MECOM: variants seen among roughly 807,000 people sequenced by gnomAD.
MECOM encodes the protein histone-lysine N-methyltransferase MECOM.
A neutral mutation model predicts 116.3 loss-of-function variants in MECOM; 13 were observed. The ratio of observed to expected loss-of-function variants is 0.11; its 90% CI spans 0.07 to 0.18. MECOM has a LOEUF of 0.18. Among genes scored for constraint, MECOM ranks in the 10% least tolerant of loss-of-function variants. MECOM has a pLI of 1.00. For missense variants in MECOM, 1,299 were observed against 1,509.0 expected, an observed-to-expected ratio of 0.86 and a Z score of 2.31; for synonymous variants, 528 against 535.2, an observed-to-expected ratio of 0.99 and a Z score of 0.19.
chr3:169,385,071 T>C (rs1458734438), intron 1 of MECOM, among the ~76,000 whole-genome samples: 3 of 131,044 alleles, frequency 2.3e-5, no homozygotes, highest in African/African-American at 8.9e-5. Flanking sequence ...ACTATTGCAC[T>C]CCAGCCTGGG....
chr3:169,271,069 G>A (rs1244424064), intron 2 of MECOM, among the ~76,000 whole-genome samples: 5 of 152,170 alleles, frequency 3.3e-5, no homozygotes, highest in African/African-American at 7.2e-5. Context: ...AGACAAGTCC[G>A]ATTTCTCCGA....
chr3:169,622,000 T>TTAAA (rs1342349528), intron 1 of MECOM, among the ~76,000 whole-genome samples: 1 of 152,184 alleles, frequency 6.6e-6, no homozygotes, highest in African/African-American at 2.4e-5. Flanking sequence ...GCCATCAAGT[T>TTAAA]TAAAAGATGA....
intron 1 of MECOM, among the ~76,000 whole-genome samples, chr3:169,572,433 C>T (rs917856995): frequency 1.4e-4 from 22 of 152,146 alleles, no homozygotes; most frequent in East Asian, 9.6e-4. Context: ...CACAGTGTGG[C>T]GATTCCTCAA....
intron 2 of MECOM, among the ~76,000 whole-genome samples, chr3:169,180,438 CATA>C (rs1274484524): frequency 2.0e-5 from 3 of 152,102 alleles, no homozygotes; most frequent in Non-Finnish European, 4.4e-5. Context: ...AAGGTACTTA[CATA>C]ATGACTGGCC....
chr3:169,305,322 G>C (rs1022242303), intron 2 of MECOM, among the ~76,000 whole-genome samples: 1 of 152,130 alleles, frequency 6.6e-6, no homozygotes, highest in Admixed American at 6.5e-5. Context: ...GAAAAGGTAG[G>C]TGTAACAAGT....
At chr3:169,609,445 T>C (rs1330044518) in intron 1 of MECOM, among the ~76,000 whole-genome samples, 2 of 136,046 alleles carry the variant, frequency 1.5e-5, no homozygotes, top group Non-Finnish European at 3.1e-5. Context: ...TGCAGTGTTA[T>C]TTCAGTTAAT....
At chr3:169,603,458 G>C (rs939703255) in intron 1 of MECOM, among the ~76,000 whole-genome samples, 10 of 152,112 alleles carry the variant, frequency 6.6e-5, no homozygotes, top group African/African-American at 2.4e-4. Context: ...TATACATTTA[G>C]TGTAGTCTAA....
intron 1 of MECOM, among the ~76,000 whole-genome samples, chr3:169,659,614 A>G (rs927371476): frequency 2.0e-5 from 3 of 151,970 alleles, no homozygotes; most frequent in Admixed American, 2.0e-4. Context: ...TGGGAGAAGG[A>G]TTTTCCTCCT....
chr3:169,238,174 C>CAA (rs869078937), intron 2 of MECOM, among the ~76,000 whole-genome samples: 4,260 of 71,938 alleles, frequency 0.059, 97 homozygotes, highest in Middle Eastern at 0.075. Flanking sequence ...GACTCCATCT[C>CAA]AAAAAAAAAA....
At chr3:169,476,386 G>C (rs1387609114) in intron 1 of MECOM, among the ~76,000 whole-genome samples, 1 of 152,136 alleles carries the variant, frequency 6.6e-6, no homozygotes, top group Non-Finnish European at 1.5e-5. Context: ...ACATCACTCA[G>C]ATCTATGTTC....
chr3:169,533,246 G>A (rs550579111), intron 1 of MECOM, among the ~76,000 whole-genome samples: 67 of 152,162 alleles, frequency 4.4e-4, no homozygotes, highest in African/African-American at 1.5e-3. Context: ...TCAGACCCCG[G>A]AATCAACTTT....
intron 1 of MECOM, among the ~76,000 whole-genome samples, chr3:169,495,090 A>G (rs1052676456): frequency 6.6e-6 from 1 of 151,994 alleles, no homozygotes; most frequent in Admixed American, 6.6e-5. Flanking sequence ...TCACCTCTAA[A>G]CCTTCTCAAT....
intron 2 of MECOM, among the ~76,000 whole-genome samples, chr3:169,160,360 GTTTTTTAAAATAAACCTTGA>G (rs1006121401): frequency 1.3e-5 from 2 of 151,726 alleles, no homozygotes; most frequent in African/African-American, 4.8e-5. Context: ...AATGATATGT[GTTTTTTAAAATAAACCTTGA>G]ACAGAAATTA....
At chr3:169,197,308 C>T (rs1050178787) in intron 2 of MECOM, among the ~76,000 whole-genome samples, 1 of 146,970 alleles carries the variant, frequency 6.8e-6, no homozygotes, top group Non-Finnish European at 1.5e-5. Flanking sequence ...TACTCCTGAA[C>T]CTAAAAATTA....
chr3:169,225,746 A>C (rs1259593337), intron 2 of MECOM, among the ~76,000 whole-genome samples: 1 of 152,184 alleles, frequency 6.6e-6, no homozygotes, highest in African/African-American at 2.4e-5. Context: ...CGTAGCTGGG[A>C]CTACAGGCAT....
intron 1 of MECOM, among the ~76,000 whole-genome samples, chr3:169,494,549 C>G (rs1279609757): frequency 6.6e-6 from 1 of 152,212 alleles, no homozygotes; most frequent in African/African-American, 2.4e-5. Flanking sequence ...TATAAGCTAA[C>G]TAAAATGGCC....
At chr3:169,433,677 G>GAAAGAAAGAA (rs1742118919) in intron 1 of MECOM, among the ~76,000 whole-genome samples, 1 of 144,292 alleles carries the variant, frequency 6.9e-6, no homozygotes, top group Non-Finnish European at 1.5e-5. Context: ...AAGAAAGAAA[G>GAAAGAAAGAA]AAAGAAAGAA....
chr3:169,566,841 C>T (rs1576912515), intron 1 of MECOM, among the ~76,000 whole-genome samples: 1 of 152,260 alleles, frequency 6.6e-6, no homozygotes, highest in Non-Finnish European at 1.5e-5. Flanking sequence ...AGGCATTCCA[C>T]CTTGGGAACA....
chr3:169,203,859 GAT>G (rs1749535331), intron 2 of MECOM, among the ~76,000 whole-genome samples: 1 of 152,174 alleles, frequency 6.6e-6, no homozygotes. Flanking sequence ...CTGCTTAGCA[GAT>G]ATGTTTCCCA....
Sources: gnomAD v4.1 joint callset for allele counts (sites outside exome capture counted in the v4.1 genomes callset) on GRCh38, gnomAD v4.1.1 for gene constraint, MANE v1.5 for transcripts, NCBI Gene and HGNC (gene_info 2026-07-23, HGNC 2026-07-21) for gene names.